KIAA1217: variants seen among roughly 807,000 people sequenced by gnomAD.
KIAA1217 encodes the protein sickle tail protein homolog.
A neutral mutation model predicts 163.9 loss-of-function variants in KIAA1217; 88 were observed. The observed-to-expected ratio is 0.54, with a 90% CI of 0.45 to 0.64. KIAA1217 has a LOEUF of 0.64. Among genes scored for constraint, KIAA1217 ranks in the 30% least tolerant of loss-of-function variants. The pLI is 0.00. For missense variants in KIAA1217, 2,372 were observed against 2,475.0 expected (o/e 0.96, Z 0.88); for synonymous variants, 903 against 923.1 (o/e 0.98, Z 0.39).
intron 2 of KIAA1217, among the ~76,000 whole-genome samples, chr10:24,248,361 C>T (rs1271621138): frequency 6.6e-6 from 1 of 152,154 alleles, no homozygotes; most frequent in Admixed American, 6.5e-5. Flanking sequence ...AAAACATTCA[C>T]TTTAAATGTA....
intron 2 of KIAA1217, among the ~76,000 whole-genome samples, chr10:24,077,086 A>G (rs746932512): frequency 2.0e-5 from 3 of 152,100 alleles, no homozygotes; most frequent in Non-Finnish European, 4.4e-5. Context: ...CGTGTTGGTC[A>G]GGCTGGTCTT....
At chr10:23,727,564 A>T (rs1169460671) in intron 1 of KIAA1217, among the ~76,000 whole-genome samples, 1 of 152,164 alleles carries the variant, frequency 6.6e-6, no homozygotes, top group Non-Finnish European at 1.5e-5. Flanking sequence ...TGTCTCAAAA[A>T]AATTTAAAAA....
At chr10:24,067,048 T>G (rs1564658904) in intron 2 of KIAA1217, among the ~76,000 whole-genome samples, 1 of 152,068 alleles carries the variant, frequency 6.6e-6, no homozygotes, top group Non-Finnish European at 1.5e-5. Context: ...ATTGATCTAA[T>G]TTTTTTTCAA....
intron 1 of KIAA1217, among the ~76,000 whole-genome samples, chr10:23,843,816 G>A (rs139929126): frequency 3.9e-5 from 6 of 152,160 alleles, no homozygotes; most frequent in African/African-American, 1.2e-4. Flanking sequence ...AAATTCAACC[G>A]ATCTCTTCCT....
At chr10:23,862,959 C>A (rs1360394307) in intron 1 of KIAA1217, among the ~76,000 whole-genome samples, 5 of 152,154 alleles carry the variant, frequency 3.3e-5, no homozygotes, top group Non-Finnish European at 7.3e-5. Flanking sequence ...GAGGTTGCCT[C>A]CAAATTACCA....
intron 1 of KIAA1217, among the ~76,000 whole-genome samples, chr10:24,003,530 T>G (rs933652786): frequency 4.6e-5 from 7 of 152,196 alleles, no homozygotes; most frequent in African/African-American, 1.7e-4. Context: ...CTGTTTCACA[T>G]TTGATGAAAA....
chr10:23,764,358 A>G (rs898382723), intron 1 of KIAA1217, among the ~76,000 whole-genome samples: 4 of 152,178 alleles, frequency 2.6e-5, no homozygotes, highest in African/African-American at 7.2e-5. Flanking sequence ...TGTTGATGGG[A>G]GTGTAAATTA....
intron 2 of KIAA1217, among the ~76,000 whole-genome samples, chr10:24,300,030 A>G (rs1282067359): frequency 2.0e-5 from 3 of 152,110 alleles, no homozygotes; most frequent in Admixed American, 2.0e-4. Context: ...TCTTCCTGTG[A>G]TTTCTCTGCT....
chr10:24,035,547 C>T (rs1337754072), intron 2 of KIAA1217, among the ~76,000 whole-genome samples: 1 of 152,196 alleles, frequency 6.6e-6, no homozygotes, highest in Non-Finnish European at 1.5e-5. Context: ...ATCTCTCCAG[C>T]TTCTGAGGCA....
intron 2 of KIAA1217, among the ~76,000 whole-genome samples, chr10:24,309,374 A>G (rs1470226008): frequency 6.6e-6 from 1 of 151,908 alleles, no homozygotes; most frequent in Non-Finnish European, 1.5e-5. Context: ...ACACACACAC[A>G]CACACGGGCT....
intron 4 of KIAA1217, among the ~76,000 whole-genome samples, chr10:24,437,262 A>C (rs1422056806): frequency 2.0e-5 from 3 of 152,138 alleles, no homozygotes; most frequent in African/African-American, 7.2e-5. Context: ...CCCTTTAATA[A>C]CAGGGCTGCT....
In KIAA1217 at chr10:24,524,664, C is replaced by T. The variant is rs369589516; in HGVS notation, c.2798C>T (p.Pro933Leu). Residue 933 changes from proline (P) to leucine (L), a missense_variant, in exon 13 of 21, where the codon CCG (proline) becomes CTG (leucine). By Grantham distance (98) the Pro-to-Leu change is moderately conservative (BLOSUM62 -3). Transcript: ENST00000376454. ...TCCACTCTGCAGATGTCGCAGGCTC[C>T]GCAGTCCCCACAGATACCCATGAAT... ...ATSTLQMSQAPQSPQIPMNGS... is the reference protein window; with the variant it reads ...ATSTLQMSQALQSPQIPMNGS... The T allele has an allele frequency of 3.6e-5, 58 of 1,614,082 alleles. No individual in the cohort carries two copies. Among genetic ancestry groups the T allele is most frequent in the African/African-American group, 2.5e-4 (19 of 74,940 alleles).
intron 1 of KIAA1217, among the ~76,000 whole-genome samples, chr10:23,802,385 T>C (rs913819959): frequency 2.0e-5 from 3 of 152,232 alleles, no homozygotes; most frequent in African/African-American, 7.2e-5. Flanking sequence ...TAGTACAACA[T>C]GGCCACATGA....
intron 1 of KIAA1217, among the ~76,000 whole-genome samples, chr10:23,796,856 A>C (rs150951928): frequency 2.0e-5 from 3 of 152,080 alleles, no homozygotes; most frequent in African/African-American, 7.2e-5. Context: ...GTATACATAC[A>C]TACATAAATA....
chr10:23,713,340 C>T (rs949596414), intron 1 of KIAA1217, among the ~76,000 whole-genome samples: 1 of 152,120 alleles, frequency 6.6e-6, no homozygotes, highest in Non-Finnish European at 1.5e-5. Context: ...TTGCTTTCAG[C>T]TCCTAGTTAC....
chr10:24,542,488 T>G, intron 17 of KIAA1217: 3 of 1,400,430 alleles, frequency 2.1e-6, no homozygotes, highest in Non-Finnish European at 2.8e-6. Context: ...ATTGAGATTT[T>G]CATCTTGTGC....
chr10:24,244,561 C>CTTTTTTT (rs11318420), intron 2 of KIAA1217, among the ~76,000 whole-genome samples: 55 of 85,056 alleles, frequency 6.5e-4, no homozygotes, highest in African/African-American at 8.1e-4. Flanking sequence ...TTCTTTCTTT[C>CTTTTTTT]TTTTTTTTTT....
intron 3 of KIAA1217, among the ~76,000 whole-genome samples, chr10:24,421,350 G>T (rs2058719372): frequency 6.6e-6 from 1 of 152,046 alleles, no homozygotes; most frequent in African/African-American, 2.4e-5. Context: ...ATTTTTTCTA[G>T]TATTTCAGGT....
chr10:24,241,819 G>GT (rs1330348514), intron 2 of KIAA1217, among the ~76,000 whole-genome samples: 1 of 152,078 alleles, frequency 6.6e-6, no homozygotes, highest in African/African-American at 2.4e-5. Context: ...TCATTCCAGG[G>GT]TTTTCTTAAC....
Sources: allele counts gnomAD v4.1 joint callset (sites outside exome capture counted in the v4.1 genomes callset), GRCh38; gene constraint gnomAD v4.1.1; transcripts MANE v1.5; gene names NCBI Gene and HGNC (gene_info 2026-07-23, HGNC 2026-07-21).